Variants in DNAH1 observed in about 807,000 individuals in gnomAD.
DNAH1 encodes the protein axonemal beta dynein heavy chain 1.
A neutral mutation model predicts 484.3 loss-of-function variants in DNAH1; 327 were observed. The observed-to-expected ratio is 0.68, with a 90% CI of 0.62 to 0.74. DNAH1 has a LOEUF of 0.74. Ranked by LOEUF, DNAH1 falls within the 30% of genes least tolerant of loss-of-function variation. DNAH1 has a pLI of 0.00. For missense variants in DNAH1, 5,052 were observed against 5,546.8 expected, an observed-to-expected ratio of 0.91 and a Z score of 2.83; for synonymous variants, 2,192 against 2,191.9, an observed-to-expected ratio of 1.00 and a Z score of 0.00.
chr3:52,343,360 A>G (rs150872352), intron 8 of DNAH1, among the ~76,000 whole-genome samples: 66 of 152,160 alleles, frequency 4.3e-4, no homozygotes, highest in African/African-American at 1.6e-3. Flanking sequence ...TTTTCCTGAG[A>G]GCAGGGCATG....
Position 52,386,731 on chromosome 3 carries a change from A to G in DNAH1, c.8881A>G (p.Ile2961Val), listed in dbSNP as rs745558710. ...VIEAVCIMKG[I>V]KPKKVPGEKP... ...AGAAGCTGTGTGCATTATGAAAGGCATCAAGCCCAAGAAGGTGCCTGGAGA... is the reference window on the plus strand; with the variant it reads ...AGAAGCTGTGTGCATTATGAAAGGCGTCAAGCCCAAGAAGGTGCCTGGAGA... The change falls in exon 56 of 78, where the codon ATC becomes GTC. Residue 2961 changes from isoleucine (I) to valine (V), a missense_variant. This residue lies in a region of DNAH1 where 2,929 missense variants were observed against 3,409.4 expected (regional missense o/e 0.86). Transcript: ENST00000420323. 6.3e-6 allele frequency: 10 copies of G among 1,590,422 alleles called. No homozygotes were observed. The Admixed American group carries it at 1.1e-4, about 17-fold the overall frequency.
Position 52,388,693 on chromosome 3 carries a change from G to T in DNAH1, c.9363+84G>T, listed in dbSNP as rs777787613. On this transcript the variant is annotated intron_variant, in intron 58 of 77. Coordinates refer to ENST00000420323, the MANE Select transcript of DNAH1 (RefSeq NM_015512.5). The stretch of plus-strand genomic sequence containing the variant: ...AGGACCAGGGCGCCGGTGGGTCCTG[G>T]GGTGGCTGTCCACACCCCCTCCCTG... 8.7e-6 allele frequency: 14 copies of T among 1,606,564 alleles called. No homozygotes were observed. The Admixed American group carries it at 2.3e-4, about 27-fold the overall frequency.
chr3:52,346,681 C>T lies in DNAH1; in HGVS notation c.1866C>T (p.Phe622=). The stretch of plus-strand genomic sequence containing the variant: ...TGGTGCAGGACTCACTTGCCAGCTT[C>T]TCACAGTTCATCAGCGACACCTGTT... ...RFLVQDSLAS[F]SQFISDTCCS... Residue 622 remains phenylalanine, a synonymous_variant, in exon 11 of 78, where the codon TTC becomes TTT. Transcript: ENST00000420323. The T allele has an allele frequency of 1.2e-6, 2 of 1,614,056 alleles. No homozygotes were observed. Among genetic ancestry groups the T allele is most frequent in the Non-Finnish European group, 1.7e-6 (2 of 1,179,896 alleles).
At position 52,353,345 on chromosome 3, in the gene DNAH1, G is replaced by T. The variant is rs776671513; in HGVS notation, c.3227-35G>T. 2 of 1,607,980 alleles carry T rather than the reference G, an allele frequency of 1.2e-6. No homozygotes were observed. Among genetic ancestry groups the T allele is most frequent in the African/African-American group, 1.3e-5 (1 of 74,974 alleles). On this transcript the variant is annotated intron_variant, in intron 19 of 77. Coordinates refer to ENST00000420323, the MANE Select transcript of DNAH1 (RefSeq NM_015512.5). This position sits in a 1 kb window ranked among gnomAD's most constrained non-coding sequence, Gnocchi z 5.0. The stretch of plus-strand genomic sequence containing the variant: ...CAATCCCCTCCTCCCTGCCTCTGCC[G>T]CCTGCCTCTCATGCGTTTCTGTCTT...
intron 1 of DNAH1, among the ~76,000 whole-genome samples, chr3:52,318,822 G>A (rs1283583821): frequency 1.3e-5 from 2 of 152,214 alleles, no homozygotes; most frequent in Non-Finnish European, 2.9e-5. Flanking sequence ...TTGCCTGGTC[G>A]CCCCAAGGGC....
chr3:52,331,363 C>G, intron 7 of DNAH1, 54 bp downstream of exon 7: 2 of 1,554,400 alleles, frequency 1.3e-6, no homozygotes, highest in Non-Finnish European at 1.7e-6. Flanking sequence ...CCTGGCCGGC[C>G]TGTGACTGAG....
chr3:52,385,269 G>A, intron 53 of DNAH1, 68 bp from the exon 54 acceptor site: 2 of 1,465,146 alleles, frequency 1.4e-6, no homozygotes, highest in Non-Finnish European at 1.9e-6. Flanking sequence ...AATGAGGGCG[G>A]CCCAGCAGGC....
intron 52 of DNAH1, among the ~76,000 whole-genome samples, chr3:52,384,394 G>A (rs1286859712): frequency 6.6e-6 from 1 of 152,164 alleles, no homozygotes; most frequent in Non-Finnish European, 1.5e-5. Context: ...CCTACCAGCT[G>A]TGCTGAGGCC....
intron 53 of DNAH1, 124 bp downstream of exon 53, chr3:52,385,101 G>A: frequency 8.0e-7 from 1 of 1,246,232 alleles, no homozygotes; most frequent in Non-Finnish European, 1.1e-6. Context: ...GTTGAAGTGG[G>A]TGGCTTCCCC....
At chr3:52,332,092 C>T in intron 7 of DNAH1, 50 bp from the exon 8 acceptor site, 2 of 1,527,634 alleles carry the variant, frequency 1.3e-6, no homozygotes, top group East Asian at 2.5e-5. Flanking sequence ...AGTGTTTCAG[C>T]CCAGAAAGCC....
intron 7 of DNAH1, 131 bp from the exon 8 acceptor site, chr3:52,332,011 A>G (rs964842970): frequency 5.8e-6 from 7 of 1,198,848 alleles, no homozygotes; most frequent in South Asian, 1.5e-5. Flanking sequence ...CACAGATGCA[A>G]CAGGGGGTCA....
chr3:52,373,996 G>A (rs1703472090), intron 44 of DNAH1: 4 of 1,107,374 alleles, frequency 3.6e-6, no homozygotes, highest in Non-Finnish European at 4.1e-6. Flanking sequence ...GATTTTTAGA[G>A]TCTGCAGATT....
In DNAH1 at chr3:52,378,793, C is replaced by T; in HGVS notation, c.7377+13C>T. 2 of 1,613,218 alleles carry T rather than the reference C, an allele frequency of 1.2e-6. No individual in the cohort carries two copies. Among genetic ancestry groups the T allele is most frequent in the South Asian group, 2.2e-5 (2 of 91,068 alleles). ...GGCCAAGGTCGAGGTGAGGACCAGGCAGGCACCCTCCCCAGTGCCCACACT... is the reference window on the plus strand; with the variant it reads ...GGCCAAGGTCGAGGTGAGGACCAGGTAGGCACCCTCCCCAGTGCCCACACT... On this transcript the variant is annotated intron_variant, in intron 47 of 77. Coordinates refer to ENST00000420323, the MANE Select transcript of DNAH1 (RefSeq NM_015512.5).
chr3:52,366,306 A>G (rs1703069931), intron 34 of DNAH1, 151 bp from the exon 35 acceptor site: 5 of 627,676 alleles, frequency 8.0e-6, no homozygotes, highest in Non-Finnish European at 1.4e-5. Context: ...GCCCCTGCCT[A>G]TGATGTAGGT....
chr3:52,365,591 G>A (rs529570900), intron 34 of DNAH1, among the ~76,000 whole-genome samples: 33 of 152,146 alleles, frequency 2.2e-4, no homozygotes, highest in African/African-American at 7.7e-4. Context: ...CCGAACCCTC[G>A]CCCCTCATAG....
intron 2 of DNAH1, 145 bp from the exon 3 acceptor site, chr3:52,323,663 A>T (rs1701230633): frequency 5.0e-6 from 3 of 596,820 alleles, no homozygotes; most frequent in Middle Eastern, 3.7e-4. Context: ...GGAATTGTGC[A>T]TACTCACTGG....
At chr3:52,315,551 A>G (rs1700922477), upstream of DNAH1, among the ~76,000 whole-genome samples, 1 of 152,198 alleles carries the variant, frequency 6.6e-6, no homozygotes, top group Non-Finnish European at 1.5e-5. Flanking sequence ...CCAGGCCACC[A>G]GAGTCCTCAG....
intron 5 of DNAH1, among the ~76,000 whole-genome samples, chr3:52,327,452 A>G (rs1370052812): frequency 2.6e-5 from 4 of 152,018 alleles, no homozygotes; most frequent in African/African-American, 7.3e-5. Context: ...GCTAAGGGCT[A>G]CCTCCTGACA....
In DNAH1 at chr3:52,392,999, C is replaced by T. The variant is rs200066420; in HGVS notation, c.10448C>T (p.Ser3483Leu). The T allele has an allele frequency of 5.6e-5, 90 of 1,613,514 alleles. No individual in the cohort carries two copies. Among genetic ancestry groups the T allele is most frequent in the Middle Eastern group, 3.3e-4 (2 of 6,084 alleles). The change falls in exon 65 of 78, where the codon TCG becomes TTG. Residue 3483 changes from serine to leucine, a missense_variant. Ser to Leu is a moderately radical substitution (Grantham distance 145). Around this residue, in one of 4 missense-constraint regions of DNAH1, gnomAD observed 2,929 missense variants for 3,409.4 expected, o/e 0.86. Transcript: ENST00000420323. ...GAGTGGTTTCTCAACATCTTCCTCT[C>T]GGGCATCGCCAACTCAGAGAGAGCA... is the stretch of plus-strand genomic sequence containing the variant. ...SLEWFLNIFL[S>L]GIANSERADN... is the part of the protein sequence containing the mutation.
Sources: gnomAD v4.1 joint callset for allele counts (sites outside exome capture counted in the v4.1 genomes callset) on GRCh38, gnomAD v4.1.1 for gene constraint, gnomAD v4.1.1 regional missense constraint, Gnocchi (gnomAD v3.1) non-coding constraint, MANE v1.5 for transcripts, NCBI Gene and HGNC (gene_info 2026-07-23, HGNC 2026-07-21) for gene names.